GBE1: variants seen among roughly 807,000 people sequenced by gnomAD.
GBE1 encodes the protein 1,4-alpha-glucan-branching enzyme.
A neutral mutation model predicts 88.8 loss-of-function variants in GBE1; 70 were observed. That is an observed-to-expected ratio of 0.79 (90% CI 0.65 to 0.96). The LOEUF is 0.96. Among genes scored for constraint, GBE1 ranks in the 40% least tolerant of loss-of-function variants. The probability of loss-of-function intolerance (pLI) is 0.00; values close to 1 mark genes in which losing one functional copy is unlikely to be tolerated. For missense variants in GBE1, 872 were observed against 871.0 expected (o/e 1.00, Z -0.01); for synonymous variants, 284 against 300.1 (o/e 0.95, Z 0.56).
chr3:81,626,130 T>C (rs2291593), intron 7 of GBE1, among the ~76,000 whole-genome samples: 13,784 of 152,230 alleles, frequency 0.091, 1,186 homozygotes, highest in African/African-American at 0.22. Context: ...GAGCAGCTCA[T>C]GCTCGGAAAC....
At chr3:81,549,285 C>T (rs1400210129) in intron 12 of GBE1, among the ~76,000 whole-genome samples, 2 of 151,344 alleles carry the variant, frequency 1.3e-5, no homozygotes, top group East Asian at 3.9e-4. Flanking sequence ...TCCTCAGCCT[C>T]CCAAAGTGCT....
rs1235930247 is a variant in GBE1, at chr3:81,646,401, G to A, written c.773C>T (p.Ala258Val). The stretch of plus-strand genomic sequence containing the variant: ...GAGTCTCTGATTTTACCTGGAAGCT[G>A]CAAAGAAGCTTGTGATTTGGTAACC... ...SFGYQITSFF[A>V]ASSRYGTPEE... Residue 258 changes from alanine (A) to valine (V), a missense_variant, in exon 6 of 16, where the codon GCA becomes GTA. Ala to Val is a moderately conservative substitution (Grantham distance 64). Transcript: ENST00000429644. 1 of 1,588,986 alleles carries A rather than the reference G, an allele frequency of 6.3e-7. No individual in the cohort carries two copies. Among genetic ancestry groups the A allele is most frequent in the East Asian group, 2.2e-5 (1 of 44,542 alleles).
intron 1 of GBE1, among the ~76,000 whole-genome samples, chr3:81,727,812 A>T (rs1255914842): frequency 6.6e-6 from 1 of 152,172 alleles, no homozygotes; most frequent in East Asian, 1.9e-4. Flanking sequence ...ATGCTGAATA[A>T]ATTGAAGTGA....
chr3:81,601,795 T>A (rs967157306), intron 7 of GBE1, among the ~76,000 whole-genome samples: 1 of 152,166 alleles, frequency 6.6e-6, no homozygotes, highest in African/African-American at 2.4e-5. Context: ...AGCTAAATAA[T>A]CCCTTTTTTA....
At chr3:81,510,155 A>T (rs531578911) in intron 14 of GBE1, among the ~76,000 whole-genome samples, 1 of 152,204 alleles carries the variant, frequency 6.6e-6, no homozygotes, top group Admixed American at 6.6e-5. Context: ...GTTTGTCAAA[A>T]TAATATATCT....
chr3:81,599,981 G>C (rs772948088), intron 7 of GBE1, among the ~76,000 whole-genome samples: 1 of 152,030 alleles, frequency 6.6e-6, no homozygotes, highest in South Asian at 2.1e-4. Flanking sequence ...ATCATATTTA[G>C]ATAAGCGATT....
intron 12 of GBE1, among the ~76,000 whole-genome samples, chr3:81,559,088 C>T (rs533280277): frequency 5.3e-4 from 81 of 152,080 alleles, no homozygotes; most frequent in Non-Finnish European, 1.1e-3. Flanking sequence ...AACAGTAAAA[C>T]ATATCTTAAC....
intron 7 of GBE1, among the ~76,000 whole-genome samples, chr3:81,626,179 C>T (rs1704411389): frequency 6.6e-6 from 1 of 152,196 alleles, no homozygotes; most frequent in East Asian, 1.9e-4. Context: ...ATTCTAATTT[C>T]ATCCACTCAC....
intron 1 of GBE1, among the ~76,000 whole-genome samples, chr3:81,746,549 C>A (rs1185766828): frequency 6.6e-6 from 1 of 152,146 alleles, no homozygotes; most frequent in East Asian, 1.9e-4. Flanking sequence ...ACATTAGCTA[C>A]CACATCTGGC....
intron 1 of GBE1, among the ~76,000 whole-genome samples, chr3:81,705,821 A>AT (rs1705768334): frequency 6.6e-6 from 1 of 152,128 alleles, no homozygotes; most frequent in Non-Finnish European, 1.5e-5. Context: ...TCTAACTAGC[A>AT]TTTTTTGTAA....
intron 10 of GBE1, among the ~76,000 whole-genome samples, chr3:81,585,877 C>G (rs1336279877): frequency 6.6e-6 from 1 of 152,126 alleles, no homozygotes; most frequent in Non-Finnish European, 1.5e-5. Context: ...ATCATATTTT[C>G]CCTTTGCCTG....
chr3:81,525,273 C>T (rs1702928298), intron 14 of GBE1, among the ~76,000 whole-genome samples: 1 of 151,956 alleles, frequency 6.6e-6, no homozygotes, highest in Non-Finnish European at 1.5e-5. Flanking sequence ...GCCTTTTCTT[C>T]ATCTATTGAG....
chr3:81,529,011 T>G (rs1325425851), intron 14 of GBE1, among the ~76,000 whole-genome samples: 2 of 152,082 alleles, frequency 1.3e-5, no homozygotes, highest in Non-Finnish European at 2.9e-5. Context: ...CCATTTTGTT[T>G]TTTGTTTTCT....
At chr3:81,677,641 G>T (rs1053950676) in intron 2 of GBE1, among the ~76,000 whole-genome samples, 1 of 152,080 alleles carries the variant, frequency 6.6e-6, no homozygotes, top group African/African-American at 2.4e-5. Flanking sequence ...TCAGTGTCTG[G>T]GGGGTGACTG....
intron 1 of GBE1, among the ~76,000 whole-genome samples, chr3:81,734,952 T>C (rs1706239622): frequency 6.6e-6 from 1 of 152,202 alleles, no homozygotes; most frequent in Non-Finnish European, 1.5e-5. Flanking sequence ...TCTCACACTG[T>C]CCCAGCTCCA....
intron 10 of GBE1, 50 bp downstream of exon 10, chr3:81,586,042 G>A: frequency 1.0e-6 from 1 of 969,384 alleles, no homozygotes; most frequent in Non-Finnish European, 1.6e-6. Context: ...AAAGATAAAT[G>A]AAGCAACACA....
intron 7 of GBE1, among the ~76,000 whole-genome samples, chr3:81,638,966 C>T (rs1704631294): frequency 6.6e-6 from 1 of 152,056 alleles, no homozygotes; most frequent in African/African-American, 2.4e-5. Context: ...AAAGAAGAGG[C>T]TTAGGTCTTA....
intron 1 of GBE1, among the ~76,000 whole-genome samples, chr3:81,758,484 T>C (rs1359705224): frequency 6.6e-6 from 1 of 152,224 alleles, no homozygotes; most frequent in Non-Finnish European, 1.5e-5. Context: ...TACAGAAGCA[T>C]GTTTCAAAAC....
intron 7 of GBE1, among the ~76,000 whole-genome samples, chr3:81,640,653 T>G (rs1704664082): frequency 6.6e-6 from 1 of 151,744 alleles, no homozygotes; most frequent in Non-Finnish European, 1.5e-5. Context: ...ATTAGTTCTC[T>G]CCTGCTAGAG....
Sources: gnomAD v4.1 joint callset for allele counts (sites outside exome capture counted in the v4.1 genomes callset) on GRCh38, gnomAD v4.1.1 for gene constraint, MANE v1.5 for transcripts, NCBI Gene and HGNC (gene_info 2026-07-23, HGNC 2026-07-21) for gene names.